The following TBC1D14 variants were observed in gnomAD, a reference collection of about 807,000 sequenced individuals.
The protein encoded by TBC1D14 is TBC1 domain family member 14.
A neutral mutation model predicts 79.0 loss-of-function variants in TBC1D14; 26 were observed. That is an observed-to-expected ratio of 0.33 (90% CI 0.24 to 0.46). The LOEUF (loss-of-function observed/expected upper bound fraction) is 0.46. TBC1D14 is among the 20% of genes least tolerant of loss of function. The probability of loss-of-function intolerance (pLI) is 1.00; values close to 1 mark genes in which losing one functional copy is unlikely to be tolerated. For missense variants in TBC1D14, 769 were observed against 887.6 expected (o/e 0.87, Z 1.70); for synonymous variants, 394 against 349.9 (o/e 1.13, Z -1.40).
At chr4:6,996,651 C>T (rs564072595) in intron 5 of TBC1D14, among the ~76,000 whole-genome samples, 3 of 152,172 alleles carry the variant, frequency 2.0e-5, no homozygotes, top group Admixed American at 6.5e-5. Flanking sequence ...AGGGGAGAAG[C>T]GGTGAGACCG....
At chr4:7,023,776 G>A (rs906749531) in intron 12 of TBC1D14, among the ~76,000 whole-genome samples, 3 of 152,210 alleles carry the variant, frequency 2.0e-5, no homozygotes, top group Admixed American at 6.5e-5. Context: ...GAGAGAGCCC[G>A]TCTCCCGGGC....
At chr4:6,981,199 A>G (rs1717348694) in intron 3 of TBC1D14, among the ~76,000 whole-genome samples, 1 of 151,472 alleles carries the variant, frequency 6.6e-6, no homozygotes, top group South Asian at 2.1e-4. Context: ...TAATTTTTGT[A>G]TTTTTAGTAG....
rs1724021204 is a variant in TBC1D14 at position 6,923,466 on chromosome 4, C to A, written c.77C>A (p.Pro26His). The A allele has an allele frequency of 3.1e-6, 5 of 1,614,180 alleles. No homozygotes were observed. In the African/African-American group the frequency reaches 6.7e-5, roughly 22 times the overall value. The change falls in exon 2 of 14, where the codon CCC (proline) becomes CAC (histidine). Residue 26 changes from proline (P) to histidine (H), a missense_variant. Pro to His is a moderately conservative substitution (Grantham distance 77, BLOSUM62 -2). This residue lies in a region of TBC1D14 where 402 missense variants were observed against 393.2 expected (regional missense o/e 1.02). Coordinates refer to ENST00000409757, the MANE Select transcript of TBC1D14 (RefSeq NM_020773.3). ...MGILDGRPGN[P>H]LQNLQHVNLK... ...ATTCTGGATGGTCGACCAGGAAACC[C>A]CCTTCAGAACCTGCAACACGTCAAT...
chr4:6,998,991 C>G, intron 5 of TBC1D14, 94 bp from the exon 6 acceptor site: 2 of 1,255,734 alleles, frequency 1.6e-6, no homozygotes, highest in Non-Finnish European at 1.1e-6. Context: ...GGCGGTTTTC[C>G]TGGTGTGTTC....
At chr4:7,002,767 C>T (rs925803983) in intron 7 of TBC1D14, among the ~76,000 whole-genome samples, 1 of 152,198 alleles carries the variant, frequency 6.6e-6, no homozygotes, top group African/African-American at 2.4e-5. Flanking sequence ...TGCTTAATCT[C>T]GATTTTACTA....
At chr4:6,961,875 C>G (rs538150408) in intron 2 of TBC1D14, among the ~76,000 whole-genome samples, 1 of 152,158 alleles carries the variant, frequency 6.6e-6, no homozygotes, top group Non-Finnish European at 1.5e-5. Flanking sequence ...GTGGGGAGTC[C>G]TGGTGTTAAC....
At chr4:6,973,024 C>G (rs565040004) in intron 3 of TBC1D14, among the ~76,000 whole-genome samples, 1 of 152,262 alleles carries the variant, frequency 6.6e-6, no homozygotes. Context: ...AAGTTAATGT[C>G]CTGGTTGGAC....
intron 1 of TBC1D14, among the ~76,000 whole-genome samples, chr4:6,919,021 G>C (rs942887373): frequency 1.3e-5 from 2 of 152,152 alleles, no homozygotes; most frequent in Non-Finnish European, 2.9e-5. Flanking sequence ...AGAGCAGCGA[G>C]GGCTGTGAAA....
At chr4:6,994,964 C>T in intron 4 of TBC1D14, among the ~76,000 whole-genome samples, 1 of 151,980 alleles carries the variant, frequency 6.6e-6, no homozygotes, top group Non-Finnish European at 1.5e-5. Flanking sequence ...AGTTAGAGGC[C>T]ATCAGGAAAA....
At position 7,004,900 on chromosome 4, in the gene TBC1D14, G is replaced by A. The variant is rs746059680; in HGVS notation, c.1327G>A (p.Gly443Arg). ...GGAGAGGTGGCGGTCCCTTAGCACA[G>A]GAGGCTCTGAAGTGGAGAACGAAGG... ...AKERWRSLST[G>R]GSEVENEDAG... The change falls in exon 8 of 14, where the codon GGA becomes AGA. Residue 443 changes from glycine to arginine, a missense_variant. Physicochemically the swap from Gly to Arg is moderately radical, Grantham distance 125. Transcript: ENST00000409757. 5 of 1,614,006 alleles carry A rather than the reference G, an allele frequency of 3.1e-6. No individual in the cohort carries two copies. Among genetic ancestry groups the A allele is most frequent in the African/African-American group, 2.7e-5 (2 of 74,908 alleles).
At chr4:7,028,868 ACT>A (rs1335674731) in intron 13 of TBC1D14, among the ~76,000 whole-genome samples, 1 of 148,322 alleles carries the variant, frequency 6.7e-6, no homozygotes, top group Non-Finnish European at 1.5e-5. Flanking sequence ...ACAGAGTCTC[ACT>A]CTCATTGCCG....
chr4:7,013,749 T>G (rs1306120855), intron 11 of TBC1D14, among the ~76,000 whole-genome samples: 3 of 151,672 alleles, frequency 2.0e-5, no homozygotes, highest in Non-Finnish European at 4.4e-5. Flanking sequence ...GATACTTTTT[T>G]TTTTTTTTTT....
intron 3 of TBC1D14, among the ~76,000 whole-genome samples, chr4:6,988,865 T>TTTTTTC (rs1560314041): frequency 7.0e-6 from 1 of 143,228 alleles, no homozygotes; most frequent in Non-Finnish European, 1.5e-5. Flanking sequence ...GTACTTTCTT[T>TTTTTTC]TTTCTTTCTT....
At chr4:7,029,112 T>C (rs981988047) in intron 13 of TBC1D14, among the ~76,000 whole-genome samples, 1 of 152,186 alleles carries the variant, frequency 6.6e-6, no homozygotes, top group Non-Finnish European at 1.5e-5. Flanking sequence ...AGTGCTGGGA[T>C]TGCAGGCATG....
At chr4:7,005,861 C>G (rs1720146486) in intron 8 of TBC1D14, among the ~76,000 whole-genome samples, 1 of 152,108 alleles carries the variant, frequency 6.6e-6, no homozygotes, top group African/African-American at 2.4e-5. Flanking sequence ...TAGAGGAGCT[C>G]AGATTTACAG....
chr4:6,919,970 C>T (rs548239400), intron 1 of TBC1D14, among the ~76,000 whole-genome samples: 4 of 149,592 alleles, frequency 2.7e-5, no homozygotes, highest in South Asian at 4.3e-4. Context: ...GCTGGAGTGC[C>T]GTGGCGCTGT....
chr4:6,949,154 A>G lies in TBC1D14; in HGVS notation c.723-18150A>G, dbSNP rs577617394. Among the ~76,000 whole-genome samples, 30 of 152,052 alleles carry G rather than the reference A, an allele frequency of 2.0e-4. No individual in the cohort carries two copies. The East Asian group carries it at 4.1e-3, about 21-fold the overall frequency. ...TTGGCACTGCACTCCAGCCAGGGCA[A>G]CAGAGTGAGAATCTGTCTCAAAAAA... On this transcript the variant is annotated intron_variant, in intron 2 of 13. Coordinates refer to ENST00000409757, the MANE Select transcript of TBC1D14 (RefSeq NM_020773.3).
At chr4:7,025,954 C>G (rs1317865327) in intron 13 of TBC1D14, among the ~76,000 whole-genome samples, 1 of 152,186 alleles carries the variant, frequency 6.6e-6, no homozygotes, top group African/African-American at 2.4e-5. Flanking sequence ...CCTGCATACA[C>G]TCTGCATTGG....
At chr4:6,977,065 CTCTCCCTCTCCCTCTCCCTCTCCCCACTG>C in intron 3 of TBC1D14, among the ~76,000 whole-genome samples, 1 of 13,622 alleles carries the variant, frequency 7.3e-5, no homozygotes, top group African/African-American at 1.2e-4. Context: ...CCTCTCCCTC[CTCTCCCTCTCCCTCTCCCTCTCCCCACTG>C]TCTCCCTCTC....
Sources: allele counts gnomAD v4.1 joint callset (sites outside exome capture counted in the v4.1 genomes callset), GRCh38; gene constraint gnomAD v4.1.1; regional missense constraint gnomAD v4.1.1; transcripts MANE v1.5; gene names NCBI Gene and HGNC (gene_info 2026-07-23, HGNC 2026-07-21).